ARHGAP17: variants seen among roughly 807,000 people sequenced by gnomAD.
The protein encoded by ARHGAP17 is rho GTPase-activating protein 17.
ARHGAP17 carries 57 observed loss-of-function variants against 99.5 expected under a neutral mutation model. The observed-to-expected ratio is 0.57, with a 90% CI of 0.46 to 0.71. The LOEUF is 0.71. Among genes scored for constraint, ARHGAP17 ranks in the 30% least tolerant of loss-of-function variants. The pLI is 0.00. For missense variants in ARHGAP17, 1,000 were observed against 1,122.4 expected (o/e 0.89, Z 1.56); for synonymous variants, 417 against 429.6 (o/e 0.97, Z 0.36).
In ARHGAP17 at chr16:24,955,720, A is replaced by G. The variant is rs1030836697; in HGVS notation, c.725-990T>C. On this transcript the variant is annotated intron_variant, in intron 9 of 19. Transcript: ENST00000289968. The surrounding 1 kb of genome is among the most constrained non-coding windows in gnomAD (Gnocchi z 4.0). ...TCTGCTGTTAGAAAGCTGGGTTGGA[A>G]GAAGGCAGTATGTACTCTGGTGTGT... is the stretch of plus-strand genomic sequence containing the variant. 1.6e-4 allele frequency: 24 copies of G among 152,406 alleles called. No individual in the cohort carries two copies. Among genetic ancestry groups the G allele is most frequent in the Non-Finnish European group, 2.8e-4 (19 of 68,084 alleles). The allele number at this position is 152,406 out of a possible 1,614,324, so 9.4% of individuals were successfully genotyped here.
chr16:25,009,230 G>C (rs766022012), intron 1 of ARHGAP17, among the ~76,000 whole-genome samples: 3 of 152,152 alleles, frequency 2.0e-5, no homozygotes, highest in Non-Finnish European at 4.4e-5. Context: ...AGCCAGGCTT[G>C]GTGGCTCATG....
intron 15 of ARHGAP17, among the ~76,000 whole-genome samples, chr16:24,943,061 C>T (rs2051362443): frequency 6.6e-6 from 1 of 152,154 alleles, no homozygotes; most frequent in Non-Finnish European, 1.5e-5. Context: ...CAGGGTTGCT[C>T]TGGGGGAAGT....
At chr16:24,942,232 C>T (rs746319705) in intron 15 of ARHGAP17, 89 bp from the exon 16 acceptor site, 138 of 1,334,354 alleles carry the variant, frequency 1.0e-4, no homozygotes, top group Middle Eastern at 2.7e-4. Context: ...ACGGGAACCT[C>T]GTTCTTCAGT....
intron 6 of ARHGAP17, among the ~76,000 whole-genome samples, chr16:24,965,558 T>C (rs934022449): frequency 1.3e-5 from 2 of 152,228 alleles, no homozygotes; most frequent in African/African-American, 4.8e-5. Context: ...AAATGCTATG[T>C]TCTGCCCACT....
intron 1 of ARHGAP17, among the ~76,000 whole-genome samples, chr16:25,003,822 CAAA>C (rs5816273): frequency 7.5e-6 from 1 of 133,290 alleles, no homozygotes. Flanking sequence ...GAATCCATCT[CAAA>C]AAAAAAAAAA....
chr16:24,950,928 G>C (rs999932214), intron 12 of ARHGAP17, among the ~76,000 whole-genome samples: 5 of 151,356 alleles, frequency 3.3e-5, no homozygotes, highest in African/African-American at 1.2e-4. Flanking sequence ...AAGTGTAACT[G>C]ATCAGAAATA....
At chr16:24,977,758 A>G (rs898812612) in intron 2 of ARHGAP17, among the ~76,000 whole-genome samples, 5 of 152,202 alleles carry the variant, frequency 3.3e-5, no homozygotes, top group African/African-American at 1.2e-4. Flanking sequence ...ACAGTCAGCA[A>G]TAAGAAACAC....
chr16:24,943,194 G>T (rs1329739214), intron 15 of ARHGAP17, among the ~76,000 whole-genome samples: 1 of 152,204 alleles, frequency 6.6e-6, no homozygotes, highest in Non-Finnish European at 1.5e-5. Context: ...CCAGCAGGAT[G>T]AAATACTAAT....
At chr16:24,985,718 G>A (rs977542079) in intron 1 of ARHGAP17, among the ~76,000 whole-genome samples, 9 of 152,206 alleles carry the variant, frequency 5.9e-5, no homozygotes, top group African/African-American at 2.2e-4. Context: ...ATCTGGACAT[G>A]TTTCGGGAGG....
chr16:24,968,486 A>G (rs1397798663), intron 5 of ARHGAP17, 59 bp from the exon 6 acceptor site: 2 of 1,597,664 alleles, frequency 1.3e-6, no homozygotes, highest in East Asian at 2.2e-5. Context: ...TAACCATTTT[A>G]AAGTATTTAC....
intron 15 of ARHGAP17, 28 bp downstream of exon 15, chr16:24,943,743 C>T (rs557749787): frequency 2.6e-5 from 41 of 1,586,830 alleles, no homozygotes; most frequent in Middle Eastern, 3.3e-4. Context: ...ATTGCTTTGG[C>T]GGTCAATGAA....
chr16:25,004,413 T>G (rs1478383092), intron 1 of ARHGAP17, among the ~76,000 whole-genome samples: 1 of 152,144 alleles, frequency 6.6e-6, no homozygotes, highest in Admixed American at 6.5e-5. Context: ...GTAGAAACAC[T>G]TCGGTGTATT....
At chr16:24,956,481 A>ACACACATG (rs1382513241) in intron 9 of ARHGAP17, 1 of 152,254 alleles carries the variant, frequency 6.6e-6, no homozygotes, top group East Asian at 1.9e-4. Context: ...GGAATATAAG[A>ACACACATG]CACACATGTA....
Position 24,930,840 on chromosome 16 carries a change from G to A in ARHGAP17, c.2459C>T (p.Ser820Leu). ...PPPPQPPGVH[S>L]AGDSSLTNTA... ...GTTGGTGAGGCTGCTGTCCCCAGCT[G>A]AGTGGACACCAGGAGGTTGGGGGGG... Residue 820 changes from serine (S) to leucine (L), a missense_variant, in exon 19 of 20, where the codon TCA becomes TTA. Transcript: ENST00000289968. 6.2e-7 allele frequency: 1 copy of A among 1,614,124 alleles called. No individual in the cohort carries two copies. The highest frequency in any genetic ancestry group is 8.5e-7 in the Non-Finnish European group (1 of 1,180,000).
intron 18 of ARHGAP17, among the ~76,000 whole-genome samples, chr16:24,933,554 T>G (rs1412909423): frequency 6.6e-6 from 1 of 151,968 alleles, no homozygotes; most frequent in Non-Finnish European, 1.5e-5. Flanking sequence ...TCTGGAACTT[T>G]CAACCCTGGA....
intron 2 of ARHGAP17, 42 bp downstream of exon 2, chr16:24,978,924 A>T (rs775594890): frequency 8.8e-6 from 13 of 1,478,768 alleles, no homozygotes; most frequent in Non-Finnish European, 1.1e-5. Flanking sequence ...ATTTTTTTCC[A>T]TCCTTTAAAC....
intron 1 of ARHGAP17, among the ~76,000 whole-genome samples, chr16:24,981,082 T>C (rs2052662318): frequency 6.6e-6 from 1 of 152,242 alleles, no homozygotes; most frequent in Non-Finnish European, 1.5e-5. Flanking sequence ...GTGGGAAAGT[T>C]AGTAATAGCT....
chr16:24,970,912 G>A (rs563852430), intron 3 of ARHGAP17, among the ~76,000 whole-genome samples: 3 of 152,280 alleles, frequency 2.0e-5, no homozygotes, highest in Non-Finnish European at 2.9e-5. Context: ...GTCTGAGTCT[G>A]TCACCCAGGC....
At chr16:24,985,126 G>A (rs2052820681) in intron 1 of ARHGAP17, among the ~76,000 whole-genome samples, 1 of 152,164 alleles carries the variant, frequency 6.6e-6, no homozygotes. Context: ...GTCATGATGG[G>A]AGATGCTACT....
Sources: gnomAD v4.1 joint callset for allele counts (sites outside exome capture counted in the v4.1 genomes callset) on GRCh38, gnomAD v4.1.1 for gene constraint, Gnocchi (gnomAD v3.1) non-coding constraint, MANE v1.5 for transcripts, NCBI Gene and HGNC (gene_info 2026-07-23, HGNC 2026-07-21) for gene names.